The following TTLL13 variants were observed in gnomAD, a reference collection of about 807,000 sequenced individuals.
TTLL13 encodes tubulin tyrosine ligase like 13, also known as tubulin polyglutamylase TTLL13.
chr15:90,251,137 AGAG>A, the TTLL13 span, among the ~76,000 whole-genome samples: 1 of 45,248 alleles, frequency 2.2e-5, no homozygotes, highest in East Asian at 1.8e-3. Context: ...TTTTTGAGAC[AGAG>A]TCTCGCTCTG....
the TTLL13 span, among the ~76,000 whole-genome samples, chr15:90,252,886 C>T: frequency 2.1e-4 from 32 of 152,124 alleles, no homozygotes; most frequent in Admixed American, 3.3e-4. Context: ...GCCTGTAGTC[C>T]CAGCTATTGG....
chr15:90,260,613 G>A, the TTLL13 span, among the ~76,000 whole-genome samples: 2 of 152,178 alleles, frequency 1.3e-5, no homozygotes, highest in African/African-American at 4.8e-5. Flanking sequence ...AGCCCTTTGG[G>A]AGGCTGAGGT....
At chr15:90,262,847 AC>A in the TTLL13 span, 1 of 1,281,618 alleles carries the variant, frequency 7.8e-7, no homozygotes, top group East Asian at 2.5e-5. Context: ...AGCAAAAGGA[AC>A]CTTCCTGGGT....
chr15:90,258,736 C>T, the TTLL13 span: 7 of 1,613,576 alleles, frequency 4.3e-6, no homozygotes, highest in Non-Finnish European at 5.1e-6. Flanking sequence ...ATGACTCCTC[C>T]TGGCAGGTAA....
the TTLL13 span, among the ~76,000 whole-genome samples, chr15:90,264,488 A>G: frequency 6.4e-3 from 969 of 152,282 alleles, 16 homozygotes; most frequent in African/African-American, 0.023. Flanking sequence ...TCCTTTCTGT[A>G]CACTAGACCC....
chr15:90,264,517 A>T, the TTLL13 span, among the ~76,000 whole-genome samples: 1 of 152,302 alleles, frequency 6.6e-6, no homozygotes, highest in East Asian at 1.9e-4. Context: ...GAAATGGCAG[A>T]AATACAGTCC....
the TTLL13 span, chr15:90,257,228 G>A: frequency 4.3e-6 from 7 of 1,613,926 alleles, no homozygotes; most frequent in African/African-American, 1.3e-5. Context: ...ATATGAGGAG[G>A]GCCTAGCCCG....
the TTLL13 span, among the ~76,000 whole-genome samples, chr15:90,254,418 A>G: frequency 6.9e-6 from 1 of 145,296 alleles, no homozygotes; most frequent in African/African-American, 2.5e-5. Flanking sequence ...ACTTGAACCC[A>G]GGAGGCGGAG....
At chr15:90,251,114 C>CTTTT in the TTLL13 span, among the ~76,000 whole-genome samples, 22 of 104,666 alleles carry the variant, frequency 2.1e-4, no homozygotes, top group Non-Finnish European at 3.7e-4. Flanking sequence ...CCTGGTCTGT[C>CTTTT]TTTTTTTTTT....
chr15:90,251,614 C>T, the TTLL13 span: 5 of 1,612,794 alleles, frequency 3.1e-6, no homozygotes, highest in East Asian at 4.5e-5. Flanking sequence ...CAGCCCGTCG[C>T]TCACACTGTG....
the TTLL13 span, chr15:90,250,857 C>G: frequency 6.2e-7 from 1 of 1,613,986 alleles, no homozygotes; most frequent in Admixed American, 1.7e-5. Context: ...GACTTAGAAG[C>G]TGGGAGGAGG....
At chr15:90,258,009 G>A in the TTLL13 span, 16 of 1,604,698 alleles carry the variant, frequency 1.0e-5, no homozygotes, top group South Asian at 1.7e-4. Flanking sequence ...CCTAGAAACT[G>A]GCCTTCCTCT....
the TTLL13 span, chr15:90,262,185 G>A: frequency 6.5e-7 from 1 of 1,531,784 alleles, no homozygotes; most frequent in African/African-American, 1.4e-5. Flanking sequence ...AGAGAGGAGT[G>A]TGCCAGGTAC....
the TTLL13 span, chr15:90,256,009 G>C: frequency 5.8e-5 from 91 of 1,563,202 alleles, no homozygotes; most frequent in African/African-American, 1.1e-3. Context: ...AGTTTCAGCT[G>C]GTCAAAGAAA....
chr15:90,262,060 G>A, the TTLL13 span: 1 of 1,535,992 alleles, frequency 6.5e-7, no homozygotes, highest in South Asian at 1.2e-5. Flanking sequence ...AACGATATGA[G>A]GATTCTCACC....
the TTLL13 span, chr15:90,256,023 G>A: frequency 2.6e-6 from 4 of 1,556,790 alleles, no homozygotes; most frequent in South Asian, 4.8e-5. Context: ...AAAGAAAAGA[G>A]GGTCTGAGAC....
At chr15:90,253,720 C>A in the TTLL13 span, among the ~76,000 whole-genome samples, 1 of 152,180 alleles carries the variant, frequency 6.6e-6, no homozygotes, top group African/African-American at 2.4e-5. Context: ...ATGATCCAGC[C>A]TTCTAAGCAA....
At chr15:90,265,297 T>G in the TTLL13 span, 1 of 1,211,990 alleles carries the variant, frequency 8.3e-7, no homozygotes, top group Non-Finnish European at 1.0e-6. Context: ...CAGGAGACAA[T>G]GAGCCCCTTT....
At chr15:90,251,704 C>A in the TTLL13 span, 2 of 1,253,156 alleles carry the variant, frequency 1.6e-6, no homozygotes, top group Non-Finnish European at 2.3e-6. Context: ...TGGGGCCTGG[C>A]GGGCTTGCCT....
Sources: gnomAD v4.1 joint callset for allele counts (sites outside exome capture counted in the v4.1 genomes callset) on GRCh38, gnomAD v4.1.1 for gene constraint, MANE v1.5 for transcripts, NCBI Gene and HGNC (gene_info 2026-07-23, HGNC 2026-07-21) for gene names.